MAP2K2: variants seen among roughly 807,000 people sequenced by gnomAD.
MAP2K2 encodes dual specificity mitogen-activated protein kinase kinase 2.
MAP2K2 carries 24 observed loss-of-function variants against 43.7 expected under a neutral mutation model. The observed-to-expected ratio is 0.55, with a 90% confidence interval of 0.40 to 0.77. MAP2K2 has a LOEUF of 0.77. Ranked by LOEUF, MAP2K2 falls within the 30% of genes least tolerant of loss-of-function variation. MAP2K2 has a pLI of 0.00. For synonymous variants in MAP2K2, 244 were observed against 239.7 expected (o/e 1.02, Z -0.17); for missense variants, 470 against 566.8 (o/e 0.83, Z 1.73).
chr19:4,107,440 C>G (rs1428265660), intron 3 of MAP2K2, among the ~76,000 whole-genome samples: 2 of 140,760 alleles, frequency 1.4e-5, no homozygotes, highest in Non-Finnish European at 3.0e-5. Context: ...GGGAGAATGG[C>G]GTGAACCTGG....
At chr19:4,112,347 G>A (rs2041164502) in intron 2 of MAP2K2, among the ~76,000 whole-genome samples, 2 of 152,216 alleles carry the variant, frequency 1.3e-5, no homozygotes, top group Non-Finnish European at 2.9e-5. Flanking sequence ...CAACAAGGAG[G>A]TGACACTGGG....
chr19:4,099,548 G>C (rs942306367), intron 6 of MAP2K2, 134 bp from the exon 7 acceptor site: 3 of 739,240 alleles, frequency 4.1e-6, no homozygotes, highest in Non-Finnish European at 4.5e-6. Context: ...GAGCTGTTAC[G>C]CAATTCTACC....
chr19:4,120,207 A>T (rs908016173), intron 1 of MAP2K2, among the ~76,000 whole-genome samples: 26 of 152,244 alleles, frequency 1.7e-4, no homozygotes, highest in Non-Finnish European at 5.9e-5. Context: ...CTCACTGAGG[A>T]GCTGCTGAAC....
chr19:4,104,174 A>C (rs1465448105), intron 3 of MAP2K2, among the ~76,000 whole-genome samples: 1 of 151,360 alleles, frequency 6.6e-6, no homozygotes, highest in Non-Finnish European at 1.5e-5. Context: ...CTGAGGCAGG[A>C]AGATCACTTG....
intron 2 of MAP2K2, among the ~76,000 whole-genome samples, chr19:4,114,505 A>G (rs1260016425): frequency 1.3e-5 from 2 of 152,198 alleles, no homozygotes; most frequent in Non-Finnish European, 2.9e-5. Context: ...ATGAGCATGG[A>G]CAATTCAAAG....
rs185365797 is a variant in MAP2K2, at chr19:4,094,753, G to A, written c.1047-255C>T. 1.9e-4 allele frequency: 103 copies of A among 547,388 alleles called. No homozygotes were observed. In the East Asian group the frequency reaches 2.5e-3, roughly 13 times the overall value. 33.9% of individuals were successfully genotyped at this position (547,388 alleles called of 1,614,324 possible). On this transcript the variant is annotated intron_variant, in intron 9 of 10. Coordinates refer to ENST00000262948, the MANE Select transcript of MAP2K2 (RefSeq NM_030662.4). Reference sequence around the variant, plus strand: ...AGAGGGAAAGAGGGTGGGAAACCCCGCCTGGTGGGTCAGAAGCCTGGACGC... The same window carrying A: ...AGAGGGAAAGAGGGTGGGAAACCCCACCTGGTGGGTCAGAAGCCTGGACGC...
chr19:4,099,560 C>T (rs562499395), intron 6 of MAP2K2, 146 bp from the exon 7 acceptor site: 1 of 687,578 alleles, frequency 1.5e-6, no homozygotes, highest in African/African-American at 1.8e-5. Context: ...AATTCTACCT[C>T]CCGGCTCACC....
chr19:4,117,699 G>T, intron 1 of MAP2K2, 70 bp from the exon 2 acceptor site: 1 of 1,393,452 alleles, frequency 7.2e-7, no homozygotes, highest in Non-Finnish European at 1.0e-6. Context: ...CTATGTGGCC[G>T]TGGTGCATCG....
At chr19:4,117,789 C>G (rs1273364240) in intron 1 of MAP2K2, among the ~76,000 whole-genome samples, 160 bp from the exon 2 acceptor site, 7 of 152,254 alleles carry the variant, frequency 4.6e-5, no homozygotes, top group Middle Eastern at 3.4e-3. Flanking sequence ...CTGTGTACCC[C>G]CATAGACACA....
intron 2 of MAP2K2, among the ~76,000 whole-genome samples, chr19:4,114,916 C>G (rs2041201811): frequency 6.6e-6 from 1 of 151,786 alleles, no homozygotes. Flanking sequence ...GGTGACAGAG[C>G]GAGACTCTGT....
intron 3 of MAP2K2, among the ~76,000 whole-genome samples, chr19:4,105,507 C>T (rs917818118): frequency 6.6e-6 from 1 of 151,994 alleles, no homozygotes; most frequent in Non-Finnish European, 1.5e-5. Context: ...CTCCTGACCT[C>T]GTGATCCGCC....
intron 6 of MAP2K2, chr19:4,099,980 T>C (rs576111037): frequency 1.2e-5 from 2 of 166,428 alleles, no homozygotes; most frequent in Admixed American, 6.3e-5. Flanking sequence ...CCGGGCACGG[T>C]GGCTCACGCC....
intron 10 of MAP2K2, among the ~76,000 whole-genome samples, chr19:4,092,531 G>C (rs1212210567): frequency 6.6e-6 from 1 of 152,156 alleles, no homozygotes; most frequent in East Asian, 1.9e-4. Flanking sequence ...GGAGTTTGCA[G>C]TGAGCCGAGA....
rs2041028174 is a variant in MAP2K2 at position 4,102,469 on chromosome 19, GGAGT to G, written c.451-20_451-17del. On this transcript the variant is annotated splice_polypyrimidine_tract_variant and intron_variant, in intron 3 of 10. Transcript: ENST00000262948. ...AGCCGCCGTCCTAGAGGGCACACAAGGAGTGAGTGCAGGCTCTGCGCAGGTGGCC... is the reference window on the plus strand; with the variant it reads ...AGCCGCCGTCCTAGAGGGCACACAAGGAGTGCAGGCTCTGCGCAGGTGGCC... 3 of 1,569,976 alleles carry G rather than the reference GGAGT, an allele frequency of 1.9e-6. No individual in the cohort carries two copies. Among genetic ancestry groups the G allele is most frequent in the African/African-American group, 1.3e-5 (1 of 74,364 alleles).
rs370956574 is a variant in MAP2K2 at position 4,090,613 on chromosome 19, C to T, written c.1188G>A (p.Thr396=). 3.0e-5 allele frequency: 47 copies of T among 1,551,824 alleles called. No individual in the cohort carries two copies. Among genetic ancestry groups the T allele is most frequent in the South Asian group, 1.8e-4 (15 of 84,160 alleles). Residue 396 remains threonine (T), a synonymous_variant, in exon 11 of 11, where the codon ACG becomes ACA. Coordinates refer to ENST00000262948, the MANE Select transcript of MAP2K2 (RefSeq NM_030662.4). ...TLRLNQPGTP[T]RTAV is the part of the protein sequence containing the mutation. The stretch of plus-strand genomic sequence containing the variant: ...CCGGCCACTGTCACACGGCGGTGCG[C>T]GTGGGTGTGCCGGGCTGGTTCAGCC...
Position 4,117,658 on chromosome 19 carries a change from G to C in MAP2K2, c.93-29C>G, listed in dbSNP as rs927624858. On this transcript the variant is annotated intron_variant, in intron 1 of 10. Transcript: ENST00000262948. ...CAGAGACCCCCCAGGGTAGGGGTTA[G>C]CTACCTAGGGAGACTCCATCTGGCC... The C allele has an allele frequency of 1.9e-6, 3 of 1,601,070 alleles. No homozygotes were observed. In the East Asian group the frequency reaches 6.7e-5, roughly 36 times the overall value.
intron 3 of MAP2K2, among the ~76,000 whole-genome samples, chr19:4,103,786 GT>G (rs2041049034): frequency 6.6e-6 from 1 of 152,172 alleles, no homozygotes; most frequent in Non-Finnish European, 1.5e-5. Context: ...AAGCATACAC[GT>G]GACTCCATCC....
chr19:4,113,508 C>G (rs2041181769), intron 2 of MAP2K2, among the ~76,000 whole-genome samples: 1 of 152,096 alleles, frequency 6.6e-6, no homozygotes, highest in South Asian at 2.1e-4. Context: ...TACTGCCCCA[C>G]TGGTGCTGAC....
rs1378503761 is a variant in MAP2K2, at chr19:4,124,104, C to G, written c.-229G>C. ...GCCGAGGCCCGAAGAAGGCTGACGC[C>G]GCAGCCCGAGTCCGAGAGGCAGGGG... On this transcript the variant is annotated 5_prime_UTR_variant, in exon 1 of 11. Coordinates refer to ENST00000262948, the MANE Select transcript of MAP2K2 (RefSeq NM_030662.4). The G allele has an allele frequency of 1.4e-5, 3 of 215,040 alleles. No individual in the cohort carries two copies. The highest frequency in any genetic ancestry group is 2.8e-5 in the Non-Finnish European group (3 of 106,438). 13.3% of individuals were successfully genotyped at this position (215,040 alleles called of 1,614,324 possible). A position where few individuals can be genotyped will look rare whatever the true frequency, so the allele number is the denominator to read the frequency against.
Sources: gnomAD v4.1 joint callset for allele counts (sites outside exome capture counted in the v4.1 genomes callset) on GRCh38, gnomAD v4.1.1 for gene constraint, MANE v1.5 for transcripts, NCBI Gene and HGNC (gene_info 2026-07-23, HGNC 2026-07-21) for gene names.